The following TCP11L2 variants were observed in gnomAD, a reference collection of about 807,000 sequenced individuals.
The protein encoded by TCP11L2 is T-complex protein 11-like protein 2.
Under a neutral mutation model 50.7 loss-of-function variants are expected in TCP11L2, and 39 were observed. The ratio of observed to expected loss-of-function variants is 0.77; its 90% CI spans 0.60 to 1.01. The LOEUF (loss-of-function observed/expected upper bound fraction) is 1.01, where lower values mean the gene tolerates loss of function less well. Among genes scored for constraint, TCP11L2 ranks in the 50% least tolerant of loss-of-function variants. The pLI, the probability that TCP11L2 is intolerant of heterozygous loss-of-function variation, is 0.00. For synonymous variants in TCP11L2, 192 were observed against 219.3 expected (o/e 0.88, Z 1.10); for missense variants, 612 against 614.7 (o/e 1.00, Z 0.05).
chr12:106,310,742 G>T (rs2034820812), intron 1 of TCP11L2, among the ~76,000 whole-genome samples: 1 of 152,218 alleles, frequency 6.6e-6, no homozygotes, highest in African/African-American at 2.4e-5. Flanking sequence ...GGAGGAGAGA[G>T]CATGTGTCCT....
rs563526234 is a variant in TCP11L2, at chr12:106,309,925, T to C, written c.-35-1116T>C. On this transcript the variant is annotated intron_variant, in intron 1 of 9. Coordinates refer to ENST00000299045, the MANE Select transcript of TCP11L2 (RefSeq NM_152772.3). The stretch of plus-strand genomic sequence containing the variant: ...TAAAAGCACTGCATCCCTCATTGCA[T>C]GGGCTGGTTTAGGTTTAAAAGGATT... Among the ~76,000 whole-genome samples the C allele has an allele frequency of 3.3e-5, 5 of 152,296 alleles. No homozygotes were observed. The East Asian group carries it at 9.6e-4, about 29-fold the overall frequency.
chr12:106,303,162 G>C (rs1485632304), intron 1 of TCP11L2: 1 of 152,248 alleles, frequency 6.6e-6, no homozygotes, highest in African/African-American at 2.4e-5. Flanking sequence ...GGAGCGGGGA[G>C]CGGGGCACCG....
intron 2 of TCP11L2, chr12:106,312,454 C>G (rs1227360252): frequency 8.6e-7 from 1 of 1,165,776 alleles, no homozygotes; most frequent in Non-Finnish European, 1.1e-6. Context: ...CCTTTTCTCA[C>G]TCTTTATACT....
At chr12:106,306,274 G>A (rs1042454599) in intron 1 of TCP11L2, among the ~76,000 whole-genome samples, 5 of 152,172 alleles carry the variant, frequency 3.3e-5, no homozygotes, top group Admixed American at 2.0e-4. Context: ...AGATAAAGTC[G>A]TGAGAATAGT....
At chr12:106,321,439 T>A (rs1255818672) in intron 4 of TCP11L2, 47 bp from the exon 5 acceptor site, 1 of 1,502,080 alleles carries the variant, frequency 6.7e-7, no homozygotes, top group Non-Finnish European at 9.1e-7. Flanking sequence ...AAGTGACAGC[T>A]TTTATTCACA....
chr12:106,302,322 C>T (rs866204825), upstream of TCP11L2, among the ~76,000 whole-genome samples: 1 of 78,814 alleles, frequency 1.3e-5, no homozygotes, highest in Non-Finnish European at 2.8e-5. Flanking sequence ...CCCCCGCTCC[C>T]CCCGCTCAGC....
intron 6 of TCP11L2, chr12:106,329,529 T>G (rs923165604): frequency 6.9e-7 from 1 of 1,456,694 alleles, no homozygotes; most frequent in Admixed American, 2.5e-5. Context: ...CTGGGGCGTT[T>G]AAACACAGAG....
At chr12:106,304,365 T>C (rs371396951) in intron 1 of TCP11L2, 5 of 152,348 alleles carry the variant, frequency 3.3e-5, no homozygotes, top group African/African-American at 1.2e-4. Context: ...GACTGGCTTG[T>C]TGGCTTTTAT....
chr12:106,307,841 T>C (rs775001864), intron 1 of TCP11L2, among the ~76,000 whole-genome samples: 40 of 152,232 alleles, frequency 2.6e-4, no homozygotes, highest in Middle Eastern at 3.2e-3. Context: ...AAGCAAATAA[T>C]AGAAAACATT....
intron 9 of TCP11L2, among the ~76,000 whole-genome samples, 176 bp downstream of exon 9, chr12:106,341,174 C>G (rs1296400547): frequency 3.9e-5 from 6 of 152,178 alleles, no homozygotes; most frequent in Non-Finnish European, 8.8e-5. Flanking sequence ...ATTGCTGCTT[C>G]TGTGTGTCAT....
chr12:106,346,122 G>T (rs1270295925), intron 9 of TCP11L2, among the ~76,000 whole-genome samples, 164 bp from the exon 10 acceptor site: 1 of 152,202 alleles, frequency 6.6e-6, no homozygotes, highest in Non-Finnish European at 1.5e-5. Context: ...CTCCAGCTTT[G>T]ATAGGAGGAA....
chr12:106,332,620 C>T (rs2136779158), intron 6 of TCP11L2, among the ~76,000 whole-genome samples: 1 of 152,340 alleles, frequency 6.6e-6, no homozygotes, highest in East Asian at 1.9e-4. Flanking sequence ...TTTCACAGTT[C>T]TCAAGGCTGA....
At chr12:106,346,204 C>A in intron 9 of TCP11L2, 82 bp from the exon 10 acceptor site, 1 of 1,387,112 alleles carries the variant, frequency 7.2e-7, no homozygotes, top group Non-Finnish European at 9.8e-7. Flanking sequence ...TGCAGTCAAC[C>A]TACTACAATT....
chr12:106,310,222 A>G (rs1442332814), intron 1 of TCP11L2, among the ~76,000 whole-genome samples: 2 of 152,150 alleles, frequency 1.3e-5, no homozygotes, highest in Non-Finnish European at 2.9e-5. Flanking sequence ...TGGTTTTATC[A>G]TGTAGTAAAT....
At chr12:106,335,419 T>A (rs1229570394) in intron 6 of TCP11L2, among the ~76,000 whole-genome samples, 2 of 152,186 alleles carry the variant, frequency 1.3e-5, no homozygotes, top group African/African-American at 2.4e-5. Context: ...TTAGATTCTT[T>A]CCTGGACAGC....
intron 3 of TCP11L2, among the ~76,000 whole-genome samples, chr12:106,315,842 G>A (rs2035060219): frequency 6.6e-6 from 1 of 152,202 alleles, no homozygotes; most frequent in African/African-American, 2.4e-5. Context: ...GTCTTTAGAA[G>A]CAAAGTTGGT....
At chr12:106,321,437 G>T in intron 4 of TCP11L2, 49 bp from the exon 5 acceptor site, 1 of 1,494,006 alleles carries the variant, frequency 6.7e-7, no homozygotes, top group Non-Finnish European at 9.1e-7. Flanking sequence ...AAAAGTGACA[G>T]CTTTTATTCA....
intron 1 of TCP11L2, among the ~76,000 whole-genome samples, chr12:106,308,660 C>T (rs2034726396): frequency 6.6e-6 from 1 of 152,184 alleles, no homozygotes; most frequent in African/African-American, 2.4e-5. Context: ...TGGAAACAAA[C>T]TTTAAGATAT....
intron 9 of TCP11L2, among the ~76,000 whole-genome samples, chr12:106,345,380 T>C (rs2036201445): frequency 6.6e-6 from 1 of 152,192 alleles, no homozygotes; most frequent in South Asian, 2.1e-4. Context: ...ATTTTGACTG[T>C]CCTGGGGAAA....
Sources: gnomAD v4.1 joint callset for allele counts (sites outside exome capture counted in the v4.1 genomes callset) on GRCh38, gnomAD v4.1.1 for gene constraint, MANE v1.5 for transcripts, NCBI Gene and HGNC (gene_info 2026-07-23, HGNC 2026-07-21) for gene names.